Variants in MATN2 observed in about 807,000 individuals in gnomAD.
The protein encoded by MATN2 is matrilin 2, also known as matrilin-2.
In MATN2, 69 loss-of-function variants were observed where a neutral mutation model predicts 103.2. The ratio of observed to expected loss-of-function variants is 0.67; its 90% confidence interval spans 0.55 to 0.82. The LOEUF (loss-of-function observed/expected upper bound fraction) is 0.82, where lower values mean the gene tolerates loss of function less well. Among genes scored for constraint, MATN2 ranks in the 40% least tolerant of loss-of-function variants. The pLI, the probability that MATN2 is intolerant of heterozygous loss-of-function variation, is 0.00. For synonymous variants in MATN2, 429 were observed against 450.2 expected (o/e 0.95, Z 0.60); for missense variants, 1,023 against 1,211.5 (o/e 0.84, Z 2.31).
intron 7 of MATN2, 68 bp from the exon 8 acceptor site, chr8:98,003,593 C>T (rs758054221): frequency 1.2e-5 from 19 of 1,598,108 alleles, no homozygotes; most frequent in Admixed American, 3.4e-5. Flanking sequence ...ATGGGAGCCC[C>T]GAGGGGCTGC....
intron 4 of MATN2, among the ~76,000 whole-genome samples, chr8:97,944,713 G>T (rs375334284): frequency 6.6e-6 from 1 of 152,204 alleles, no homozygotes; most frequent in African/African-American, 2.4e-5. Flanking sequence ...ACAGTTAAAA[G>T]CTGTGCCAAG....
intron 6 of MATN2, among the ~76,000 whole-genome samples, chr8:97,981,716 G>C (rs1174264208): frequency 1.3e-5 from 2 of 152,176 alleles, no homozygotes; most frequent in Non-Finnish European, 2.9e-5. Flanking sequence ...TGCCTCTCCA[G>C]ACTGCACACA....
chr8:97,972,338 CAAAAAAAA>C (rs3076713), intron 5 of MATN2, among the ~76,000 whole-genome samples: 1 of 126,878 alleles, frequency 7.9e-6, no homozygotes, highest in African/African-American at 3.0e-5. Context: ...GACCCTGTCT[CAAAAAAAA>C]AAAAAAAAAG....
chr8:97,955,474 AG>A (rs1170445110), intron 4 of MATN2, among the ~76,000 whole-genome samples: 1 of 152,214 alleles, frequency 6.6e-6, no homozygotes, highest in Non-Finnish European at 1.5e-5. Context: ...CCAGGGTAAA[AG>A]TTAGCTATTC....
At chr8:98,022,332 A>G (rs889593792) in intron 13 of MATN2, among the ~76,000 whole-genome samples, 1 of 150,240 alleles carries the variant, frequency 6.7e-6, no homozygotes, top group African/African-American at 2.5e-5. Context: ...ACCATTATAT[A>G]CATATCTAAT....
chr8:97,917,448 T>G (rs1370156441), intron 2 of MATN2, among the ~76,000 whole-genome samples: 1 of 152,220 alleles, frequency 6.6e-6, no homozygotes, highest in East Asian at 1.9e-4. Flanking sequence ...TCGAGCATTC[T>G]TGAGAGAAGC....
chr8:98,016,771 C>G (rs962768532), intron 11 of MATN2, 109 bp downstream of exon 11: 25 of 1,333,752 alleles, frequency 1.9e-5, no homozygotes, highest in African/African-American at 1.6e-4. Flanking sequence ...TGCCACACAG[C>G]AAAATGTAAT....
intron 2 of MATN2, among the ~76,000 whole-genome samples, chr8:97,914,159 C>T (rs1563663826): frequency 6.6e-6 from 1 of 151,954 alleles, no homozygotes; most frequent in Admixed American, 6.6e-5. Context: ...CATTAATTTA[C>T]ACCCAAGAGT....
intron 5 of MATN2, among the ~76,000 whole-genome samples, chr8:97,964,717 G>C (rs569669591): frequency 6.6e-6 from 1 of 151,984 alleles, no homozygotes; most frequent in Non-Finnish European, 1.5e-5. Context: ...TTACAGGTGT[G>C]AGCCACCTCG....
chr8:97,927,891 C>G (rs1246862561), intron 2 of MATN2, among the ~76,000 whole-genome samples: 1 of 152,198 alleles, frequency 6.6e-6, no homozygotes, highest in Admixed American at 6.5e-5. Context: ...CCAAAGATCT[C>G]CAAAGGAAGA....
chr8:97,971,407 T>A (rs1030145625), intron 5 of MATN2, among the ~76,000 whole-genome samples: 2 of 152,186 alleles, frequency 1.3e-5, no homozygotes, highest in African/African-American at 4.8e-5. Context: ...TTTGAGTAAG[T>A]GGAACGTTCA....
intron 2 of MATN2, among the ~76,000 whole-genome samples, chr8:97,911,417 TAA>T (rs1359441077): frequency 6.6e-5 from 10 of 151,782 alleles, no homozygotes; most frequent in Admixed American, 2.6e-4. Context: ...TAAAATAAAA[TAA>T]AGTTATGGTC....
rs1296633476 is a variant in MATN2, at chr8:97,878,582, G to A, written c.-27+9295G>A. Among the ~76,000 whole-genome samples the A allele has an allele frequency of 6.6e-5, 10 of 152,006 alleles. No homozygotes were observed. The East Asian group carries it at 1.7e-3, about 26-fold the overall frequency. On this transcript the variant is annotated intron_variant, in intron 1 of 18. Coordinates refer to ENST00000254898, the MANE Select transcript of MATN2 (RefSeq NM_002380.5). Reference sequence around the variant, plus strand: ...AAGAAGAAGAAGTCCAGGCATGGTCGCTCATGCCTATAATCCCAGAACTTT... The same window carrying A: ...AAGAAGAAGAAGTCCAGGCATGGTCACTCATGCCTATAATCCCAGAACTTT...
chr8:97,888,012 C>T lies in MATN2; in HGVS notation c.-26-63C>T, dbSNP rs115354143. ...AAGGCGGGGCAGCGGGCCTGCAGCT[C>T]CTGGAGTTCAGGGAGACCCGGAAAT... On this transcript the variant is annotated intron_variant, in intron 1 of 18. Coordinates refer to ENST00000254898, the MANE Select transcript of MATN2 (RefSeq NM_002380.5). 1,388 of 1,500,656 alleles carry T rather than the reference C, an allele frequency of 9.2e-4. 9 individuals are homozygous for T. The African/African-American group carries it at 0.018, about 19-fold the overall frequency. The allele number at this position is 1,500,656 out of a possible 1,614,324, so 93.0% of individuals were successfully genotyped here.
Position 97,994,543 on chromosome 8 carries a change from C to T in MATN2, c.1145C>T (p.Ser382Phe), listed in dbSNP as rs1288690004. Residue 382 changes from serine to phenylalanine, a missense_variant, in exon 7 of 19, where the codon TCC becomes TTC. Transcript: ENST00000254898. ...CQHECVNTDD[S>F]YSCHCLKGFT... ...CACGAGTGTGTTAACACAGATGATT[C>T]CTATTCCTGCCACTGCCTGAAAGGC... 3 of 1,613,500 alleles carry T rather than the reference C, an allele frequency of 1.9e-6. No homozygotes were observed. The highest frequency in any genetic ancestry group is 2.5e-6 in the Non-Finnish European group (3 of 1,179,714).
intron 6 of MATN2, among the ~76,000 whole-genome samples, chr8:97,980,670 T>G (rs1430106483): frequency 6.7e-6 from 1 of 149,808 alleles, no homozygotes; most frequent in Non-Finnish European, 1.5e-5. Context: ...GTTCAAGCGA[T>G]TCCCCCACCT....
chr8:97,908,736 A>G (rs1819264163), intron 2 of MATN2, among the ~76,000 whole-genome samples: 3 of 151,648 alleles, frequency 2.0e-5, no homozygotes, highest in Non-Finnish European at 4.4e-5. Flanking sequence ...GTTTCAAGTG[A>G]TTTTCCTGCC....
Position 98,035,671 on chromosome 8 carries a change from C to CAGGG in MATN2, c.2832_2833insGGAG (p.Arg945GlyfsTer49), listed in dbSNP as rs1563741209. 1 of 1,586,668 alleles carries CAGGG rather than the reference C, an allele frequency of 6.3e-7. No homozygotes were observed. Among genetic ancestry groups the CAGGG allele is most frequent in the South Asian group, 1.1e-5 (1 of 87,406 alleles). On this transcript the variant is annotated frameshift_variant, in exon 19 of 19. Transcript: ENST00000254898. LOFTEE classifies it high-confidence loss of function. ...TTGAGATTTACTAGAAGAAATGACA[C>CAGGG]AGAGAATGGAAGCCCTGGAAAATCG...
intron 6 of MATN2, among the ~76,000 whole-genome samples, chr8:97,987,435 TTAAAA>T (rs1380716644): frequency 6.6e-6 from 1 of 152,072 alleles, no homozygotes; most frequent in African/African-American, 2.4e-5. Context: ...ACCCTAGAAC[TTAAAA>T]TAAAAGTTGA....
Sources: allele counts gnomAD v4.1 joint callset (sites outside exome capture counted in the v4.1 genomes callset), GRCh38; gene constraint gnomAD v4.1.1; transcripts MANE v1.5; gene names NCBI Gene and HGNC (gene_info 2026-07-23, HGNC 2026-07-21).